The following KCNQ1 variants were observed in gnomAD, a reference collection of about 807,000 sequenced individuals.
The protein encoded by KCNQ1 is potassium voltage-gated channel subfamily KQT member 1.
A neutral mutation model predicts 72.4 loss-of-function variants in KCNQ1; 49 were observed. The ratio of observed to expected loss-of-function variants is 0.68; its 90% CI spans 0.54 to 0.86. The LOEUF (loss-of-function observed/expected upper bound fraction) is 0.86. Ranked by LOEUF, KCNQ1 falls within the 40% of genes least tolerant of loss-of-function variation. KCNQ1 has a pLI of 0.00. For synonymous variants in KCNQ1, 450 were observed against 412.6 expected, an observed-to-expected ratio of 1.09 and a Z score of -1.10; for missense variants, 790 against 945.1, an observed-to-expected ratio of 0.84 and a Z score of 2.15.
At chr11:2,675,196 A>G (rs1274178070) in intron 11 of KCNQ1, 5 of 398,454 alleles carry the variant, frequency 1.3e-5, no homozygotes, top group Admixed American at 8.8e-5. Flanking sequence ...CTCTAGGTCA[A>G]TATTGTGTCA....
In KCNQ1 at chr11:2,497,667, T is replaced by C. The variant is rs548277929; in HGVS notation, c.387-30261T>C. ...ACCCACCTTCTGAAGCCTACTTCTG[T>C]CAATTCGTCAGTCTCATTCTCCGTC... On this transcript the variant is annotated intron_variant, in intron 1 of 15. Transcript: ENST00000155840. The surrounding 1 kb of genome is among the most constrained non-coding windows in gnomAD (Gnocchi z 4.5). Among the ~76,000 whole-genome samples, 8 of 152,326 alleles carry C rather than the reference T, an allele frequency of 5.3e-5. No homozygotes were observed. Among genetic ancestry groups the C allele is most frequent in the African/African-American group, 1.9e-4 (8 of 41,582 alleles).
At position 2,734,771 on chromosome 11, in the gene KCNQ1, G is replaced by A. The variant is rs2839990; in HGVS notation, c.1515-34073G>A. On this transcript the variant is annotated intron_variant, in intron 11 of 15. Coordinates refer to ENST00000155840, the MANE Select transcript of KCNQ1 (RefSeq NM_000218.3). This position sits in a 1 kb window ranked among gnomAD's most constrained non-coding sequence, Gnocchi z 7.0. The stretch of plus-strand genomic sequence containing the variant: ...GCGAGGGCAAGACCACCGCTCCTCC[G>A]CCATAAACCGTGTTGGATGGGCCTC... Among the ~76,000 whole-genome samples the A allele has an allele frequency of 0.12, 17,887 of 151,930 alleles. 1,430 individuals carry two copies. The highest frequency in any genetic ancestry group is 0.22 in the African/African-American group (9,073 of 41,380).
In KCNQ1 at chr11:2,704,209, C is replaced by A. The variant is rs1277229910; in HGVS notation, c.1514+42128C>A. 2.0e-5 allele frequency among the ~76,000 whole-genome samples: 3 copies of A among 152,264 alleles called. No homozygotes were observed. The highest frequency in any genetic ancestry group is 4.4e-5 in the Non-Finnish European group (3 of 68,048). ...TTCCTTCACTGGTCATAGGTTTCTG[C>A]TGACCCTGCAGCCCATGTCCTTGTT... On this transcript the variant is annotated intron_variant, in intron 11 of 15. Coordinates refer to ENST00000155840, the MANE Select transcript of KCNQ1 (RefSeq NM_000218.3). The surrounding 1 kb of genome is among the most constrained non-coding windows in gnomAD (Gnocchi z 4.3).
chr11:2,519,109 G>A (rs970196379), intron 1 of KCNQ1, among the ~76,000 whole-genome samples: 3 of 152,252 alleles, frequency 2.0e-5, no homozygotes, highest in Non-Finnish European at 4.4e-5. Context: ...ATGGTTGGGG[G>A]GCAGCTGTTG....
chr11:2,470,317 T>G (rs562889381), intron 1 of KCNQ1, among the ~76,000 whole-genome samples: 17 of 151,194 alleles, frequency 1.1e-4, no homozygotes, highest in Non-Finnish European at 2.4e-4. Context: ...CATTCATATT[T>G]ATATGTTTTC....
chr11:2,654,033 C>T lies in KCNQ1; in HGVS notation c.1394-7928C>T, dbSNP rs1251637169. The T allele has an allele frequency of 1.8e-5, 7 of 398,586 alleles. No individual in the cohort carries two copies. The highest frequency in any genetic ancestry group is 4.1e-5 in the African/African-American group (2 of 48,652). 24.7% of individuals were successfully genotyped at this position (398,586 alleles called of 1,614,324 possible). On this transcript the variant is annotated intron_variant, in intron 10 of 15. Coordinates refer to ENST00000155840, the MANE Select transcript of KCNQ1 (RefSeq NM_000218.3). This position sits in a 1 kb window ranked among gnomAD's most constrained non-coding sequence, Gnocchi z 6.4. Reference sequence around the variant, plus strand: ...TATACATTTTCACTCCATTCCTCGCCTTGTTCCTGGCAGCTGTTGTGGGAA... The same window carrying T: ...TATACATTTTCACTCCATTCCTCGCTTTGTTCCTGGCAGCTGTTGTGGGAA...
Position 2,507,362 on chromosome 11 carries a change from G to A in KCNQ1, c.387-20566G>A, listed in dbSNP as rs1847122721. Among the ~76,000 whole-genome samples the A allele has an allele frequency of 6.6e-6, 1 of 152,162 alleles. No homozygotes were observed. The highest frequency in any genetic ancestry group is 2.4e-5 in the African/African-American group (1 of 41,442). On this transcript the variant is annotated intron_variant, in intron 1 of 15. Coordinates refer to ENST00000155840, the MANE Select transcript of KCNQ1 (RefSeq NM_000218.3). This position sits in a 1 kb window ranked among gnomAD's most constrained non-coding sequence, Gnocchi z 5.4. ...AGTGTGGGGTCATCGGGCAGGACAC[G>A]AGATGCGCAGGAGGCTGTGACTGAG...
intron 11 of KCNQ1, among the ~76,000 whole-genome samples, chr11:2,727,786 A>G (rs944265718): frequency 2.6e-5 from 4 of 152,116 alleles, no homozygotes; most frequent in Admixed American, 6.5e-5. Context: ...AACGGTGTCG[A>G]TGTACAACAC....
Position 2,816,295 on chromosome 11 carries a change from G to C in KCNQ1, c.1795-31472G>C, listed in dbSNP as rs1236103354. Among the ~76,000 whole-genome samples the C allele has an allele frequency of 2.6e-5, 4 of 152,220 alleles. No individual in the cohort carries two copies. Among genetic ancestry groups the C allele is most frequent in the Non-Finnish European group, 4.4e-5 (3 of 68,040 alleles). Reference sequence around the variant, plus strand: ...GCAAGTTGGCCAAGACTAAAAAGTGGAGTCAAGCTCAGTGCTGGTGACGAT... The same window carrying C: ...GCAAGTTGGCCAAGACTAAAAAGTGCAGTCAAGCTCAGTGCTGGTGACGAT... On this transcript the variant is annotated intron_variant, in intron 15 of 15. Transcript: ENST00000155840. This position sits in a 1 kb window ranked among gnomAD's most constrained non-coding sequence, Gnocchi z 6.8.
intron 6 of KCNQ1, among the ~76,000 whole-genome samples, chr11:2,575,347 C>T (rs1030185800): frequency 1.3e-5 from 2 of 152,120 alleles, no homozygotes; most frequent in African/African-American, 2.4e-5. Flanking sequence ...CGCCAGGCCC[C>T]GCGCCCCTGG....
intron 11 of KCNQ1, among the ~76,000 whole-genome samples, chr11:2,756,369 T>C (rs983211185): frequency 1.3e-5 from 2 of 150,442 alleles, no homozygotes; most frequent in Admixed American, 6.6e-5. Flanking sequence ...CAGACAACCA[T>C]GTGGGAAGGC....
At chr11:2,542,004 G>A (rs578128238) in intron 2 of KCNQ1, among the ~76,000 whole-genome samples, 31 of 152,330 alleles carry the variant, frequency 2.0e-4, no homozygotes, top group African/African-American at 7.5e-4. Flanking sequence ...AGAGGCTGTC[G>A]CCGTGCCTGC....
Position 2,578,303 on chromosome 11 carries a change from C to T in KCNQ1, c.922-5132C>T, listed in dbSNP as rs576869016. On this transcript the variant is annotated intron_variant, in intron 6 of 15. Coordinates refer to ENST00000155840, the MANE Select transcript of KCNQ1 (RefSeq NM_000218.3). ...GAACTGCCCCCCACACTCAGAGCCA[C>T]GGTGCCAGCCCAGCCTTGCCAGCAG... 5.9e-5 allele frequency among the ~76,000 whole-genome samples: 9 copies of T among 152,344 alleles called. No individual in the cohort carries two copies. In the South Asian group the frequency reaches 8.3e-4, roughly 14 times the overall value.
At position 2,516,906 on chromosome 11, in the gene KCNQ1, G is replaced by A. The variant is rs1008578732; in HGVS notation, c.387-11022G>A. Among the ~76,000 whole-genome samples, 2 of 152,074 alleles carry A rather than the reference G, an allele frequency of 1.3e-5. No homozygotes were observed. The highest frequency in any genetic ancestry group is 2.9e-5 in the Non-Finnish European group (2 of 68,020). The stretch of plus-strand genomic sequence containing the variant: ...CACGACCCCCCAGAGTTTGCCTGGT[G>A]TCACCGGGAAGCTTCCTGGCTGCCC... On this transcript the variant is annotated intron_variant, in intron 1 of 15. Coordinates refer to ENST00000155840, the MANE Select transcript of KCNQ1 (RefSeq NM_000218.3). This position sits in a 1 kb window ranked among gnomAD's most constrained non-coding sequence, Gnocchi z 7.0.
intron 10 of KCNQ1, chr11:2,609,812 C>T (rs1365315934): frequency 1.5e-5 from 6 of 397,958 alleles, no homozygotes; most frequent in Non-Finnish European, 2.7e-5. Flanking sequence ...TTTAAAATCT[C>T]CTTTGACTTT....
chr11:2,789,946 C>T (rs775612107), intron 15 of KCNQ1, among the ~76,000 whole-genome samples: 1 of 152,182 alleles, frequency 6.6e-6, no homozygotes, highest in Non-Finnish European at 1.5e-5. Context: ...TCAGAGGCTC[C>T]TCTCTGTGCC....
intron 10 of KCNQ1, chr11:2,635,246 A>T (rs897097659): frequency 1.4e-4 from 21 of 152,290 alleles, no homozygotes; most frequent in African/African-American, 4.6e-4. Flanking sequence ...TTAGACATGA[A>T]GTCCTTGCCC....
intron 11 of KCNQ1, among the ~76,000 whole-genome samples, chr11:2,741,228 T>G (rs1590063100): frequency 6.6e-6 from 1 of 151,574 alleles, no homozygotes; most frequent in Non-Finnish European, 1.5e-5. Context: ...CTGGAGGGAG[T>G]GTGAGGACAG....
rs1187181605 is a variant in KCNQ1 at position 2,826,767 on chromosome 11, G to C, written c.1795-21000G>C. Among the ~76,000 whole-genome samples the C allele has an allele frequency of 1.3e-5, 2 of 152,212 alleles. No individual in the cohort carries two copies. Among genetic ancestry groups the C allele is most frequent in the African/African-American group, 4.8e-5 (2 of 41,458 alleles). ...GCCTCCACTCAGAATCCCACTATGTGCTTGGAGCCATGCTGGGTGCTGGGG... is the reference window on the plus strand; with the variant it reads ...GCCTCCACTCAGAATCCCACTATGTCCTTGGAGCCATGCTGGGTGCTGGGG... On this transcript the variant is annotated intron_variant, in intron 15 of 15. Coordinates refer to ENST00000155840, the MANE Select transcript of KCNQ1 (RefSeq NM_000218.3). This position sits in a 1 kb window ranked among gnomAD's most constrained non-coding sequence, Gnocchi z 4.2.
Sources: allele counts gnomAD v4.1 joint callset (sites outside exome capture counted in the v4.1 genomes callset), GRCh38; gene constraint gnomAD v4.1.1; non-coding constraint Gnocchi (gnomAD v3.1); transcripts MANE v1.5; gene names NCBI Gene and HGNC (gene_info 2026-07-23, HGNC 2026-07-21).